Variants in CACNA1C observed in about 807,000 individuals in gnomAD.
CACNA1C encodes voltage-dependent L-type calcium channel subunit alpha-1C.
A neutral mutation model predicts 229.0 loss-of-function variants in CACNA1C; 30 were observed. The ratio of observed to expected loss-of-function variants is 0.13; its 90% CI spans 0.10 to 0.18. The LOEUF (loss-of-function observed/expected upper bound fraction) is 0.18. Among genes scored for constraint, CACNA1C ranks in the 10% least tolerant of loss-of-function variants. The pLI, the probability that CACNA1C is intolerant of heterozygous loss-of-function variation, is 1.00. For synonymous variants in CACNA1C, 1,114 were observed against 1,132.5 expected (o/e 0.98, Z 0.33); for missense variants, 1,658 against 2,845.0 (o/e 0.58, Z 9.49).
At chr12:2,052,929 C>G (rs1002784849), upstream of CACNA1C, 4 of 956,834 alleles carry the variant, frequency 4.2e-6, no homozygotes, top group Non-Finnish European at 5.0e-6. Flanking sequence ...CAGGGGCGGG[C>G]GCGGGCGCGG....
intron 3 of CACNA1C, among the ~76,000 whole-genome samples, chr12:2,268,583 G>A (rs1220542986): frequency 6.6e-6 from 1 of 152,142 alleles, no homozygotes; most frequent in East Asian, 1.9e-4. Flanking sequence ...GGCTCCCAGC[G>A]AGGGAACAGT....
chr12:2,611,692 C>T (rs917080553), intron 28 of CACNA1C, among the ~76,000 whole-genome samples: 2 of 152,126 alleles, frequency 1.3e-5, no homozygotes, highest in African/African-American at 4.8e-5. Flanking sequence ...GAAATGAACA[C>T]AGATGTGTTC....
intron 3 of CACNA1C, among the ~76,000 whole-genome samples, chr12:2,446,556 G>A (rs562272599): frequency 6.2e-4 from 93 of 149,446 alleles, no homozygotes; most frequent in Non-Finnish European, 1.5e-4. Context: ...GGATGAGTGG[G>A]TGGTGCATAG....
At chr12:2,120,207 G>A (rs1045826262) in intron 2 of CACNA1C, 118 bp from the exon 3 acceptor site, 10 of 715,482 alleles carry the variant, frequency 1.4e-5, no homozygotes, top group Non-Finnish European at 2.3e-5. Flanking sequence ...AAGGGGCTTG[G>A]AATGCATTGT....
At chr12:2,482,235 C>A (rs142665844) in intron 5 of CACNA1C, among the ~76,000 whole-genome samples, 1 of 152,368 alleles carries the variant, frequency 6.6e-6, no homozygotes, top group African/African-American at 2.4e-5. Flanking sequence ...CTGGGCTCTC[C>A]TGGAAGCAGG....
At chr12:2,383,013 A>G (rs1257153511) in intron 3 of CACNA1C, among the ~76,000 whole-genome samples, 1 of 152,102 alleles carries the variant, frequency 6.6e-6, no homozygotes, top group Admixed American at 6.5e-5. Context: ...AGTGTTCCCT[A>G]ATGCACTCTA....
chr12:2,670,350 A>G (rs1181244892), intron 38 of CACNA1C, among the ~76,000 whole-genome samples: 1 of 152,158 alleles, frequency 6.6e-6, no homozygotes, highest in Non-Finnish European at 1.5e-5. Flanking sequence ...CACTAATGAC[A>G]TGAGTATGAG....
chr12:2,441,336 G>C (rs116076243), intron 3 of CACNA1C, among the ~76,000 whole-genome samples: 1 of 152,164 alleles, frequency 6.6e-6, no homozygotes, highest in African/African-American at 2.4e-5. Flanking sequence ...AGACACTTCA[G>C]TCAGTCTCTC....
chr12:2,582,806 G>A lies in CACNA1C; in HGVS notation c.2104-16G>A. 1 of 1,613,316 alleles carries A rather than the reference G, an allele frequency of 6.2e-7. No homozygotes were observed. Among genetic ancestry groups the A allele is most frequent in the Non-Finnish European group, 8.5e-7 (1 of 1,179,630 alleles). ...TCTAACGCTGTGTCCCTTATTGGTGGGAATGTGTCATTCAGATCCTGACCG... is the reference window on the plus strand; with the variant it reads ...TCTAACGCTGTGTCCCTTATTGGTGAGAATGTGTCATTCAGATCCTGACCG... On this transcript the variant is annotated splice_polypyrimidine_tract_variant and intron_variant, in intron 14 of 46. Coordinates refer to ENST00000399655, the MANE Select transcript of CACNA1C (RefSeq NM_000719.7).
chr12:2,465,880 G>T (rs1247051478), intron 5 of CACNA1C, among the ~76,000 whole-genome samples: 2 of 152,102 alleles, frequency 1.3e-5, no homozygotes, highest in Non-Finnish European at 2.9e-5. Context: ...GGCCAGGTCT[G>T]GGCCATCCTG....
At chr12:2,583,688 G>A (rs1601070923) in intron 15 of CACNA1C, among the ~76,000 whole-genome samples, 1 of 152,200 alleles carries the variant, frequency 6.6e-6, no homozygotes, top group African/African-American at 2.4e-5. Flanking sequence ...CTACCTCAGT[G>A]TCTGTAAAAT....
intron 1 of CACNA1C, among the ~76,000 whole-genome samples, chr12:2,064,581 A>G (rs1321370443): frequency 3.3e-5 from 5 of 152,208 alleles, no homozygotes; most frequent in South Asian, 2.1e-4. Flanking sequence ...TCATACATCT[A>G]AAGTCTAGGC....
chr12:2,243,576 A>G (rs1425809172), intron 3 of CACNA1C, among the ~76,000 whole-genome samples: 1 of 152,188 alleles, frequency 6.6e-6, no homozygotes, highest in African/African-American at 2.4e-5. Context: ...TGGAAATGGC[A>G]TTTTGGAGTC....
At chr12:2,466,411 C>G (rs1192993467) in intron 5 of CACNA1C, among the ~76,000 whole-genome samples, 1 of 152,202 alleles carries the variant, frequency 6.6e-6, no homozygotes, top group Non-Finnish European at 1.5e-5. Flanking sequence ...AAGGACACCT[C>G]CCAGTCTGGA....
chr12:2,065,670 A>G (rs966949016), intron 1 of CACNA1C, among the ~76,000 whole-genome samples: 1 of 152,236 alleles, frequency 6.6e-6, no homozygotes, highest in African/African-American at 2.4e-5. Flanking sequence ...TCACAGATTT[A>G]AAGAAGAAGG....
At chr12:2,337,007 A>G (rs1406825240) in intron 3 of CACNA1C, among the ~76,000 whole-genome samples, 2 of 152,182 alleles carry the variant, frequency 1.3e-5, no homozygotes, top group East Asian at 1.9e-4. Context: ...TCATCCATTC[A>G]CCATCCATCC....
rs1322268316 is a variant in CACNA1C at position 2,581,696 on chromosome 12, C to T, written c.2002C>T (p.Leu668=). Reference sequence around the variant, plus strand: ...CCTCTTCATCATCATCTTCTCCCTCCTGGGGATGCAGCTCTTTGGAGGAAA... The same window carrying T: ...CCTCTTCATCATCATCTTCTCCCTCTTGGGGATGCAGCTCTTTGGAGGAAA... ...LFLFIIIFSL[L]GMQLFGGKFN... The change falls in exon 14 of 47, where the codon CTG becomes TTG. Residue 668 remains leucine, a synonymous_variant. Transcript: ENST00000399655. The T allele has an allele frequency of 2.5e-6, 4 of 1,613,016 alleles. No homozygotes were observed. In the African/African-American group the frequency reaches 5.3e-5, roughly 22 times the overall value.
chr12:2,433,889 A>G (rs548658850), intron 3 of CACNA1C, among the ~76,000 whole-genome samples: 52 of 152,340 alleles, frequency 3.4e-4, no homozygotes, highest in African/African-American at 1.3e-3. Context: ...TTGGGGCAGT[A>G]CATGGACATT....
At chr12:2,594,799 A>G (rs2067271290) in intron 19 of CACNA1C, among the ~76,000 whole-genome samples, 1 of 152,158 alleles carries the variant, frequency 6.6e-6, no homozygotes, top group South Asian at 2.1e-4. Flanking sequence ...AGTCCTGAAG[A>G]CCTAAAGTAG....
Sources: gnomAD v4.1 joint callset for allele counts (sites outside exome capture counted in the v4.1 genomes callset) on GRCh38, gnomAD v4.1.1 for gene constraint, MANE v1.5 for transcripts, NCBI Gene and HGNC (gene_info 2026-07-23, HGNC 2026-07-21) for gene names.